DECR1: variants seen among roughly 807,000 people sequenced by gnomAD.
DECR1 encodes the protein 2,4-dienoyl-CoA reductase [(3E)-enoyl-CoA-producing], mitochondrial.
In DECR1, 44 loss-of-function variants were observed where a neutral mutation model predicts 38.8. The ratio of observed to expected loss-of-function variants is 1.13; its 90% CI spans 0.89 to 1.46. The LOEUF is 1.46. Among genes scored for constraint, DECR1 ranks in the 40% most tolerant of loss-of-function variants. The pLI is 0.00. For synonymous variants in DECR1, 148 were observed against 135.2 expected, an observed-to-expected ratio of 1.09 and a Z score of -0.66; for missense variants, 428 against 405.5, an observed-to-expected ratio of 1.06 and a Z score of -0.48.
chr8:90,046,267 C>T (rs1050331484), intron 8 of DECR1, among the ~76,000 whole-genome samples: 10 of 152,288 alleles, frequency 6.6e-5, no homozygotes, highest in Non-Finnish European at 1.2e-4. Flanking sequence ...TGTTGGAACC[C>T]ATCGCCAGAA....
chr8:90,010,349 A>G (rs971523809), intron 1 of DECR1, among the ~76,000 whole-genome samples: 5 of 152,200 alleles, frequency 3.3e-5, no homozygotes, highest in Non-Finnish European at 5.9e-5. Flanking sequence ...TCTGCACTGG[A>G]ACATCCAGTA....
At chr8:90,012,204 G>A (rs1812903002) in intron 1 of DECR1, among the ~76,000 whole-genome samples, 2 of 150,354 alleles carry the variant, frequency 1.3e-5, no homozygotes, top group Admixed American at 6.6e-5. Flanking sequence ...CCAGGCTGGA[G>A]TGTGGTGGCA....
chr8:90,001,664 T>C (rs1380254088), intron 1 of DECR1, 103 bp downstream of exon 1: 4 of 1,037,568 alleles, frequency 3.9e-6, no homozygotes, highest in Non-Finnish European at 5.5e-6. Flanking sequence ...CAAGGCATCC[T>C]GGGGCGCAAA....
chr8:90,028,862 A>G (rs542064750), intron 5 of DECR1, among the ~76,000 whole-genome samples: 3 of 152,082 alleles, frequency 2.0e-5, no homozygotes, highest in South Asian at 2.1e-4. Context: ...AACACTTGCA[A>G]TGACCTTGCA....
At chr8:90,047,800 C>T (rs1813950841) in intron 8 of DECR1, among the ~76,000 whole-genome samples, 3 of 152,190 alleles carry the variant, frequency 2.0e-5, no homozygotes, top group African/African-American at 7.2e-5. Flanking sequence ...CACTCCTCAG[C>T]AAATGTAAAA....
At position 90,018,965 on chromosome 8, in the gene DECR1, AG is replaced by A. The variant is rs1414337897; in HGVS notation, c.330+1del. 2.5e-6 allele frequency: 4 copies of A among 1,592,998 alleles called. No homozygotes were observed. The highest frequency in any genetic ancestry group is 3.4e-6 in the Non-Finnish European group (4 of 1,164,910). ...AEQISSQTGN[K>X]VHAIQCDVRD... is the part of the protein sequence containing the mutation. The stretch of plus-strand genomic sequence containing the variant: ...CAAATTTCTTCTCAAACTGGAAATA[AG>A]GTACATTAAAAATCAGTTATTTAAT... On this transcript the variant is annotated frameshift_variant and splice_region_variant, in exon 3 of 10. Coordinates refer to ENST00000220764, the MANE Select transcript of DECR1 (RefSeq NM_001359.2). LOFTEE classifies it high-confidence loss of function.
rs562240451 is a variant in DECR1, at chr8:90,011,866, A to G, written c.70-5258A>G. Among the ~76,000 whole-genome samples, 5 of 152,318 alleles carry G rather than the reference A, an allele frequency of 3.3e-5. No homozygotes were observed. In the East Asian group the frequency reaches 9.6e-4, roughly 29 times the overall value. ...GTATTTGTATCTAACATTTAAAAAAATGTTGCCAGATTGGCCTCCTAAGAA... is the reference window on the plus strand; with the variant it reads ...GTATTTGTATCTAACATTTAAAAAAGTGTTGCCAGATTGGCCTCCTAAGAA... On this transcript the variant is annotated intron_variant, in intron 1 of 9. Transcript: ENST00000220764.
chr8:90,018,971 A>C lies in DECR1; in HGVS notation c.330+5A>C. ...TCTTCTCAAACTGGAAATAAGGTACATTAAAAATCAGTTATTTAATTTAGA... is the reference window on the plus strand; with the variant it reads ...TCTTCTCAAACTGGAAATAAGGTACCTTAAAAATCAGTTATTTAATTTAGA... On this transcript the variant is annotated splice_donor_5th_base_variant and intron_variant, in intron 3 of 9. Transcript: ENST00000220764. 3.8e-6 allele frequency: 6 copies of C among 1,591,900 alleles called. No homozygotes were observed. Among genetic ancestry groups the C allele is most frequent in the Non-Finnish European group, 5.2e-6 (6 of 1,163,976 alleles).
In DECR1 at chr8:90,001,480, C is replaced by G. The variant is rs1456483164; in HGVS notation, c.-13C>G. On this transcript the variant is annotated 5_prime_UTR_variant, in exon 1 of 10. Transcript: ENST00000220764. ...CCTGCGCCGCCTTCCGGCCCGAGTTCTGGAGACTCAACATGAAGCTACCGG... is the reference window on the plus strand; with the variant it reads ...CCTGCGCCGCCTTCCGGCCCGAGTTGTGGAGACTCAACATGAAGCTACCGG... 2 of 1,613,946 alleles carry G rather than the reference C, an allele frequency of 1.2e-6. No homozygotes were observed. Among genetic ancestry groups the G allele is most frequent in the East Asian group, 2.2e-5 (1 of 44,866 alleles).
intron 5 of DECR1, among the ~76,000 whole-genome samples, chr8:90,027,758 A>G (rs1464633403): frequency 1.3e-5 from 2 of 151,770 alleles, no homozygotes; most frequent in African/African-American, 4.8e-5. Context: ...TGATCCTGTG[A>G]TTATAGTTTT....
chr8:90,013,652 A>T (rs1236324328), intron 1 of DECR1, among the ~76,000 whole-genome samples: 1 of 152,114 alleles, frequency 6.6e-6, no homozygotes, highest in East Asian at 1.9e-4. Flanking sequence ...TCTGACTTTT[A>T]TGTGAATTCT....
intron 6 of DECR1, among the ~76,000 whole-genome samples, chr8:90,040,476 C>T (rs1477937319): frequency 3.3e-5 from 5 of 151,890 alleles, no homozygotes; most frequent in South Asian, 2.1e-4. Flanking sequence ...TAGAACTTAG[C>T]GCATTTTTAA....
intron 1 of DECR1, 191 bp from the exon 2 acceptor site, chr8:90,016,933 C>T: frequency 1.9e-6 from 1 of 529,466 alleles, no homozygotes; most frequent in Admixed American, 3.3e-5. Flanking sequence ...CTATGTAGTC[C>T]AGCTCCAGAG....
intron 1 of DECR1, chr8:90,006,286 A>T (rs1387387061): frequency 1.4e-6 from 1 of 704,040 alleles, no homozygotes; most frequent in African/African-American, 1.7e-5. Flanking sequence ...AGGTATGTCC[A>T]GTTTTATGAG....
At chr8:90,006,131 A>T in intron 1 of DECR1, 1 of 690,710 alleles carries the variant, frequency 1.4e-6, no homozygotes, top group Admixed American at 2.1e-5. Context: ...ATCACATTTC[A>T]ACATGAGTTT....
chr8:90,019,009 A>AACAT, intron 3 of DECR1, 43 bp downstream of exon 3: 1 of 1,574,542 alleles, frequency 6.4e-7, no homozygotes, highest in Non-Finnish European at 8.7e-7. Context: ...TAGGAATTAT[A>AACAT]ACATGTTCAA....
At chr8:90,016,986 A>G in intron 1 of DECR1, 138 bp from the exon 2 acceptor site, 3 of 637,226 alleles carry the variant, frequency 4.7e-6, no homozygotes, top group Non-Finnish European at 2.7e-6. Flanking sequence ...ATAATTAAGT[A>G]CAATACCAAT....
intron 7 of DECR1, among the ~76,000 whole-genome samples, chr8:90,043,755 A>G (rs931881696): frequency 2.6e-5 from 4 of 152,242 alleles, no homozygotes; most frequent in Admixed American, 6.5e-5. Context: ...TGACAATTCA[A>G]TACTAAACAG....
chr8:90,013,910 T>C (rs761341237), intron 1 of DECR1, among the ~76,000 whole-genome samples: 1 of 152,180 alleles, frequency 6.6e-6, no homozygotes, highest in Non-Finnish European at 1.5e-5. Context: ...TCATGTCTCA[T>C]TAGTTTAGAT....
Sources: allele counts gnomAD v4.1 joint callset (sites outside exome capture counted in the v4.1 genomes callset), GRCh38; gene constraint gnomAD v4.1.1; transcripts MANE v1.5; gene names NCBI Gene and HGNC (gene_info 2026-07-23, HGNC 2026-07-21).